The following ZCCHC8 variants were observed in gnomAD, a reference collection of about 807,000 sequenced individuals.
ZCCHC8 encodes zinc finger CCHC domain-containing protein 8.
A neutral mutation model predicts 70.6 loss-of-function variants in ZCCHC8; 27 were observed. The observed-to-expected ratio is 0.38, with a 90% CI of 0.28 to 0.53. The LOEUF (loss-of-function observed/expected upper bound fraction) is 0.53. ZCCHC8 is among the 20% of genes least tolerant of loss of function. The pLI is 0.81. For synonymous variants in ZCCHC8, 293 were observed against 317.4 expected, an observed-to-expected ratio of 0.92 and a Z score of 0.82; for missense variants, 737 against 876.9, an observed-to-expected ratio of 0.84 and a Z score of 2.01.
chr12:122,500,649 G>C lies in ZCCHC8; in HGVS notation c.192C>G (p.Arg64=). 1 of 1,571,670 alleles carries C rather than the reference G, an allele frequency of 6.4e-7. No individual in the cohort carries two copies. Residue 64 remains arginine (R), a synonymous_variant, in exon 1 of 14, where the codon CGC becomes CGG. Transcript: ENST00000633063. The surrounding 1 kb of genome is among the most constrained non-coding windows in gnomAD (Gnocchi z 4.8). ...AGCGAGAGGAAAGGATATTCTCGGC[G>C]CGGAGCTGCTCGATGGTCTCCTCGC... ...RQCEETIEQL[R]AENQELKRKL...
At chr12:122,490,426 A>G (rs766881817) in intron 4 of ZCCHC8, 36 bp downstream of exon 4, 108 of 1,526,552 alleles carry the variant, frequency 7.1e-5, no homozygotes, top group Non-Finnish European at 9.0e-5. Context: ...GAAACGCATA[A>G]CTTACTAATC....
At chr12:122,477,397 G>T (rs1336740071) in intron 13 of ZCCHC8, among the ~76,000 whole-genome samples, 1 of 150,570 alleles carries the variant, frequency 6.6e-6, no homozygotes, top group Admixed American at 6.6e-5. Flanking sequence ...CTTGTGACCC[G>T]CCTGCCTCAG....
intron 9 of ZCCHC8, 43 bp from the exon 10 acceptor site, chr12:122,481,707 T>G: frequency 1.3e-6 from 2 of 1,595,850 alleles, no homozygotes; most frequent in Non-Finnish European, 1.7e-6. Context: ...GAATTCTTAT[T>G]TGCATGAAAA....
intron 5 of ZCCHC8, among the ~76,000 whole-genome samples, chr12:122,488,982 C>T (rs185121144): frequency 7.5e-4 from 114 of 152,290 alleles, no homozygotes; most frequent in African/African-American, 2.6e-3. Flanking sequence ...TAGGTCATCC[C>T]TGTTAACTTC....
intron 9 of ZCCHC8, 136 bp downstream of exon 9, chr12:122,481,809 C>G (rs972008012): frequency 7.2e-7 from 1 of 1,382,526 alleles, no homozygotes; most frequent in Non-Finnish European, 9.7e-7. Flanking sequence ...AGAAGTGTTT[C>G]TAAATGAATT....
At chr12:122,493,828 T>C (rs1450501230) in intron 2 of ZCCHC8, among the ~76,000 whole-genome samples, 1 of 152,026 alleles carries the variant, frequency 6.6e-6, no homozygotes, top group Non-Finnish European at 1.5e-5. Context: ...TTAGCTAGGA[T>C]GGTCTCGATC....
At chr12:122,476,585 T>A (rs1238675902) in intron 13 of ZCCHC8, among the ~76,000 whole-genome samples, 1 of 141,216 alleles carries the variant, frequency 7.1e-6, no homozygotes, top group Non-Finnish European at 1.5e-5. Flanking sequence ...CCGAGCCAGA[T>A]CCTGTCTCAA....
chr12:122,481,233 T>C, intron 10 of ZCCHC8: 1 of 213,474 alleles, frequency 4.7e-6, no homozygotes, highest in Non-Finnish European at 9.2e-6. Flanking sequence ...TTAGGATTTA[T>C]GTCTGTTATT....
Position 122,498,737 on chromosome 12 carries a change from A to G in ZCCHC8, c.242+90T>C, listed in dbSNP as rs1004287904. ...CAAATAAAAATGATACAAAAATCCC[A>G]TACACTTTTTACAACGAAATTCTGA... On this transcript the variant is annotated intron_variant, in intron 2 of 13. Transcript: ENST00000633063. The G allele has an allele frequency of 2.7e-5, 34 of 1,256,028 alleles. No homozygotes were observed. In the South Asian group the frequency reaches 4.3e-4, roughly 16 times the overall value. The allele number at this position is 1,256,028 out of a possible 1,614,324, so 77.8% of individuals were successfully genotyped here.
chr12:122,490,691 A>AC, intron 3 of ZCCHC8, 124 bp from the exon 4 acceptor site: 1 of 531,728 alleles, frequency 1.9e-6, no homozygotes, highest in African/African-American at 2.2e-5. Context: ...TTAATAAATC[A>AC]CTGACTCTGT....
Position 122,473,922 on chromosome 12 carries a change from C to G in ZCCHC8, c.1699G>C (p.Val567Leu), listed in dbSNP as rs759746873. The change falls in exon 14 of 14, where the codon GTC becomes CTC. Residue 567 changes from valine to leucine, a missense_variant. Val to Leu is a conservative substitution (Grantham distance 32). Transcript: ENST00000633063. ...TTTTCAGATGTTTTTCCCTCCGGGA[C>G]AGGGAGGTCTAGCTCATTTGGACAA... ...SPCPNELDLPVPEGKTSEKQT... is the reference protein window; with the variant it reads ...SPCPNELDLPLPEGKTSEKQT... 6.2e-7 allele frequency: 1 copy of G among 1,613,694 alleles called. No individual in the cohort carries two copies. Among genetic ancestry groups the G allele is most frequent in the Non-Finnish European group, 8.5e-7 (1 of 1,179,792 alleles).
chr12:122,500,668 T>C lies in ZCCHC8; in HGVS notation c.173A>G (p.Glu58Gly). The C allele has an allele frequency of 6.3e-7, 1 of 1,580,788 alleles. No homozygotes were observed. Among genetic ancestry groups the C allele is most frequent in the Non-Finnish European group, 8.6e-7 (1 of 1,164,480 alleles). The stretch of plus-strand genomic sequence containing the variant: ...CTCGGCGCGGAGCTGCTCGATGGTC[T>C]CCTCGCACTGCCGAAGCCGCTCCCG... ...ELRERLRQCE[E>G]TIEQLRAENQ... Residue 58 changes from glutamate (E) to glycine (G), a missense_variant, in exon 1 of 14, where the codon GAG (glutamate) becomes GGG (glycine). Glu to Gly is a moderately conservative substitution (Grantham distance 98). Coordinates refer to ENST00000633063, the MANE Select transcript of ZCCHC8 (RefSeq NM_017612.5). This position sits in a 1 kb window ranked among gnomAD's most constrained non-coding sequence, Gnocchi z 4.8.
chr12:122,473,422 TTCTA>T lies in ZCCHC8; in HGVS notation c.*71_*74del. ...ATGGGAGGGACAAACAGGAAAACCA[TTCTA>T]TCTATCCACTTAATTAGTACTAATT... On this transcript the variant is annotated 3_prime_UTR_variant, in exon 14 of 14. Coordinates refer to ENST00000633063, the MANE Select transcript of ZCCHC8 (RefSeq NM_017612.5). 1 of 1,443,908 alleles carries T rather than the reference TTCTA, an allele frequency of 6.9e-7. No homozygotes were observed. The highest frequency in any genetic ancestry group is 9.3e-7 in the Non-Finnish European group (1 of 1,071,126). 89.4% of individuals were successfully genotyped at this position (1,443,908 alleles called of 1,614,324 possible).
intron 13 of ZCCHC8, among the ~76,000 whole-genome samples, chr12:122,476,505 G>A (rs1957420450): frequency 6.6e-6 from 1 of 151,074 alleles, no homozygotes; most frequent in Admixed American, 6.6e-5. Context: ...GAGGTGGGAG[G>A]ACTGCTTGAT....
Position 122,473,859 on chromosome 12 carries a change from T to C in ZCCHC8, c.1762A>G (p.Thr588Ala), listed in dbSNP as rs1957362110. 1.2e-6 allele frequency: 2 copies of C among 1,613,968 alleles called. No individual in the cohort carries two copies. Among genetic ancestry groups the C allele is most frequent in the Non-Finnish European group, 1.7e-6 (2 of 1,179,890 alleles). ...GCATGTCCAGCTTCTGATTTCTTTG[T>C]AAAAATCTCTGGTACCTCAGGCTCA... ...LDEPEVPEIF[T>A]KKSEAGHASS... Residue 588 changes from threonine to alanine, a missense_variant, in exon 14 of 14, where the codon ACA becomes GCA. Coordinates refer to ENST00000633063, the MANE Select transcript of ZCCHC8 (RefSeq NM_017612.5).
chr12:122,481,832 C>T, intron 9 of ZCCHC8, 113 bp downstream of exon 9: 1 of 1,416,680 alleles, frequency 7.1e-7, no homozygotes, highest in Non-Finnish European at 9.4e-7. Flanking sequence ...TGTATATTAC[C>T]TAGGGCTTTG....
At chr12:122,488,169 C>G (rs901908008) in intron 5 of ZCCHC8, among the ~76,000 whole-genome samples, 4 of 151,982 alleles carry the variant, frequency 2.6e-5, no homozygotes, top group African/African-American at 9.7e-5. Flanking sequence ...GTAGCTGGGA[C>G]TACAGGTGTG....
intron 1 of ZCCHC8, 47 bp from the exon 2 acceptor site, chr12:122,498,916 C>T (rs189318630): frequency 1.2e-4 from 183 of 1,526,122 alleles, no homozygotes; most frequent in Non-Finnish European, 1.6e-4. Context: ...CAATGCAAAT[C>T]ATAAAATTCA....
At chr12:122,477,072 T>C (rs755223770) in intron 13 of ZCCHC8, among the ~76,000 whole-genome samples, 2 of 151,612 alleles carry the variant, frequency 1.3e-5, no homozygotes, top group Admixed American at 6.6e-5. Flanking sequence ...TTTGAGGGCT[T>C]TGATTCTGAA....
Sources: allele counts gnomAD v4.1 joint callset (sites outside exome capture counted in the v4.1 genomes callset), GRCh38; gene constraint gnomAD v4.1.1; non-coding constraint Gnocchi (gnomAD v3.1); transcripts MANE v1.5; gene names NCBI Gene and HGNC (gene_info 2026-07-23, HGNC 2026-07-21).